BRAP: variants seen among roughly 807,000 people sequenced by gnomAD.
BRAP encodes BRCA1 associated protein.
Under a neutral mutation model 73.4 loss-of-function variants are expected in BRAP, and 42 were observed. The observed-to-expected ratio is 0.57, with a 90% CI of 0.45 to 0.74. The LOEUF (loss-of-function observed/expected upper bound fraction) is 0.74. BRAP is among the 30% of genes least tolerant of loss of function. BRAP has a pLI of 0.00. For missense variants in BRAP, 593 were observed against 751.4 expected (o/e 0.79, Z 2.46); for synonymous variants, 255 against 267.4 (o/e 0.95, Z 0.45).
At position 111,679,346 on chromosome 12, in the gene BRAP, A is replaced by G. The variant is rs1379644695; in HGVS notation, c.444-6T>C. On this transcript the variant is annotated splice_polypyrimidine_tract_variant and splice_region_variant and intron_variant, in intron 3 of 11. Coordinates refer to ENST00000419234, the MANE Select transcript of BRAP (RefSeq NM_006768.5). The stretch of plus-strand genomic sequence containing the variant: ...CTTTTAAGGAGGTCATCTTACTAAC[A>G]AAAAAAAAATTAGAGTGTCTTGAAT... 1 of 1,290,646 alleles carries G rather than the reference A, an allele frequency of 7.7e-7. No individual in the cohort carries two copies. The highest frequency in any genetic ancestry group is 1.0e-6 in the Non-Finnish European group (1 of 966,092). 79.9% of individuals were successfully genotyped at this position (1,290,646 alleles called of 1,614,324 possible). A position where few individuals can be genotyped will look rare whatever the true frequency, so the allele number is the denominator to read the frequency against.
chr12:111,652,042 A>G (rs1886346386), intron 10 of BRAP, among the ~76,000 whole-genome samples: 2 of 152,182 alleles, frequency 1.3e-5, no homozygotes, highest in African/African-American at 2.4e-5. Context: ...TTATTTTAAA[A>G]TAACAGAGCA....
chr12:111,647,410 T>C (rs1235335757), intron 11 of BRAP, among the ~76,000 whole-genome samples: 1 of 152,202 alleles, frequency 6.6e-6, no homozygotes, highest in East Asian at 1.9e-4. Flanking sequence ...AAAGAATACC[T>C]AGATTCTATT....
chr12:111,671,082 A>C (rs1887152099), intron 5 of BRAP, among the ~76,000 whole-genome samples: 1 of 151,140 alleles, frequency 6.6e-6, no homozygotes, highest in Non-Finnish European at 1.5e-5. Context: ...CCTGGGTGAC[A>C]GAGTGAGACT....
intron 7 of BRAP, among the ~76,000 whole-genome samples, chr12:111,659,720 G>T (rs926924017): frequency 6.6e-6 from 1 of 151,924 alleles, no homozygotes; most frequent in African/African-American, 2.4e-5. Flanking sequence ...TGAGACACTA[G>T]AAGACAGAAT....
chr12:111,647,634 G>T (rs1338410960), intron 11 of BRAP, among the ~76,000 whole-genome samples: 2 of 152,112 alleles, frequency 1.3e-5, no homozygotes, highest in Non-Finnish European at 2.9e-5. Context: ...GGCCAAGCAC[G>T]GTGGCTCACG....
Position 111,665,887 on chromosome 12 carries a change from C to T in BRAP, c.748-100G>A, listed in dbSNP as rs1414601493. 13 of 1,481,626 alleles carry T rather than the reference C, an allele frequency of 8.8e-6. No individual in the cohort carries two copies. In the East Asian group the frequency reaches 1.4e-4, roughly 16 times the overall value. 91.8% of individuals were successfully genotyped at this position (1,481,626 alleles called of 1,614,324 possible). A position where few individuals can be genotyped will look rare whatever the true frequency, so the allele number is the denominator to read the frequency against. ...ACAGGGTCTCGCTCTCTGTCACCCA[C>T]GCTGGAGCCCAGTGGCGCAATCATG... On this transcript the variant is annotated intron_variant, in intron 5 of 11. Transcript: ENST00000419234. This position sits in a 1 kb window ranked among gnomAD's most constrained non-coding sequence, Gnocchi z 4.3.
intron 5 of BRAP, chr12:111,670,411 T>C (rs1887123008): frequency 2.8e-6 from 1 of 361,050 alleles, no homozygotes; most frequent in East Asian, 6.7e-5. Context: ...TGATTTCACC[T>C]AATCAAATGC....
At position 111,658,777 on chromosome 12, in the gene BRAP, C is replaced by A. The variant is rs998031891; in HGVS notation, c.1180G>T (p.Asp394Tyr). 1.9e-6 allele frequency: 3 copies of A among 1,612,012 alleles called. No individual in the cohort carries two copies. The highest frequency in any genetic ancestry group is 3.3e-5 in the Admixed American group (2 of 59,934). Residue 394 changes from aspartate to tyrosine, a missense_variant, in exon 9 of 12, where the codon GAT (aspartate) becomes TAT (tyrosine). Transcript: ENST00000419234. ...TCTATTTTCTCTTCCTGGCAAGTATCCCCCTCACATTCATACTGTACTATT... is the reference window on the plus strand; with the variant it reads ...TCTATTTTCTCTTCCTGGCAAGTATACCCCTCACATTCATACTGTACTATT... ...GKIVQYECEG[D>Y]TCQEEKIDAL...
At chr12:111,669,779 C>A (rs1009100166) in intron 5 of BRAP, 34 of 429,192 alleles carry the variant, frequency 7.9e-5, no homozygotes, top group Non-Finnish European at 1.2e-4. Flanking sequence ...TAGTCTTATA[C>A]CATTCTTTAA....
chr12:111,683,385 T>A, intron 1 of BRAP, 78 bp from the exon 2 acceptor site: 1 of 1,462,870 alleles, frequency 6.8e-7, no homozygotes, highest in Non-Finnish European at 9.2e-7. Flanking sequence ...TCATTAGGTT[T>A]TCCTTTTCTT....
intron 5 of BRAP, among the ~76,000 whole-genome samples, chr12:111,666,695 C>T (rs1311656481): frequency 1.3e-5 from 2 of 152,192 alleles, no homozygotes; most frequent in African/African-American, 4.8e-5. Flanking sequence ...ATTCCTAAGA[C>T]AGTGCTTGAC....
At chr12:111,674,492 C>T (rs1887300852) in intron 4 of BRAP, among the ~76,000 whole-genome samples, 1 of 152,208 alleles carries the variant, frequency 6.6e-6, no homozygotes, top group South Asian at 2.1e-4. Flanking sequence ...ATCCACCCAC[C>T]TCGGTCTCCC....
At chr12:111,681,583 CAAA>C (rs368877992) in intron 3 of BRAP, 51 bp downstream of exon 3, 11,340 of 1,099,424 alleles carry the variant, frequency 0.01, no homozygotes, top group Admixed American at 0.02. Flanking sequence ...TAAAGCAAAG[CAAA>C]AAAAAAAAAA....
rs939028311 is a variant in BRAP, at chr12:111,655,744, C to T, written c.1222-89G>A. On this transcript the variant is annotated intron_variant, in intron 9 of 11. Coordinates refer to ENST00000419234, the MANE Select transcript of BRAP (RefSeq NM_006768.5). ...TAAAAATCTGATATTTAATGATCCACAGAAAACTAAAACTAACCAACAGAA... is the reference window on the plus strand; with the variant it reads ...TAAAAATCTGATATTTAATGATCCATAGAAAACTAAAACTAACCAACAGAA... 8 of 1,092,126 alleles carry T rather than the reference C, an allele frequency of 7.3e-6. No homozygotes were observed. In the African/African-American group the frequency reaches 1.2e-4, roughly 17 times the overall value. The allele number at this position is 1,092,126 out of a possible 1,614,324, so 67.7% of individuals were successfully genotyped here.
intron 1 of BRAP, 160 bp downstream of exon 1, chr12:111,685,551 C>T (rs1427619662): frequency 1.5e-6 from 2 of 1,352,346 alleles, no homozygotes; most frequent in Admixed American, 6.7e-5. Flanking sequence ...GGGAAGGCCT[C>T]TCAAAGGCGG....
At chr12:111,648,494 C>T (rs569625945) in intron 11 of BRAP, among the ~76,000 whole-genome samples, 24 of 144,514 alleles carry the variant, frequency 1.7e-4, no homozygotes, top group African/African-American at 5.4e-4. Context: ...CTCCTGTAGT[C>T]TTAGCTACTC....
chr12:111,683,488 A>C (rs111974697), intron 1 of BRAP, among the ~76,000 whole-genome samples, 181 bp from the exon 2 acceptor site: 14 of 152,268 alleles, frequency 9.2e-5, no homozygotes, highest in African/African-American at 1.7e-4. Flanking sequence ...AGAGTCAATA[A>C]GCAGCCAGGA....
At chr12:111,649,030 C>A (rs1012777000) in intron 11 of BRAP, among the ~76,000 whole-genome samples, 2 of 152,064 alleles carry the variant, frequency 1.3e-5, no homozygotes, top group Non-Finnish European at 2.9e-5. Context: ...ACAAAAAAAA[C>A]CCGTCCGGTT....
intron 3 of BRAP, 72 bp downstream of exon 3, chr12:111,681,565 G>T: frequency 1.6e-6 from 2 of 1,256,876 alleles, no homozygotes; most frequent in Non-Finnish European, 1.1e-6. Flanking sequence ...CAGGACAAGA[G>T]ACTATGCTAA....
Sources: allele counts gnomAD v4.1 joint callset (sites outside exome capture counted in the v4.1 genomes callset), GRCh38; gene constraint gnomAD v4.1.1; non-coding constraint Gnocchi (gnomAD v3.1); transcripts MANE v1.5; gene names NCBI Gene and HGNC (gene_info 2026-07-23, HGNC 2026-07-21).